Variants in DGCR2 observed in about 807,000 individuals in gnomAD.
DGCR2 encodes the protein integral membrane protein DGCR2/IDD.
A neutral mutation model predicts 51.6 loss-of-function variants in DGCR2; 24 were observed. The ratio of observed to expected loss-of-function variants is 0.47; its 90% CI spans 0.34 to 0.65. DGCR2 has a LOEUF of 0.65. Ranked by LOEUF, DGCR2 falls within the 30% of genes least tolerant of loss-of-function variation. The pLI is 0.01. For synonymous variants in DGCR2, 340 were observed against 315.4 expected, an observed-to-expected ratio of 1.08 and a Z score of -0.82; for missense variants, 765 against 772.1, an observed-to-expected ratio of 0.99 and a Z score of 0.11.
chr22:19,073,652 G>A (rs1409591730), intron 2 of DGCR2, among the ~76,000 whole-genome samples: 1 of 152,178 alleles, frequency 6.6e-6, no homozygotes, highest in African/African-American at 2.4e-5. Flanking sequence ...TAAAAATGGA[G>A]TAAGCTTAAC....
intron 9 of DGCR2, 58 bp downstream of exon 9, chr22:19,041,000 C>CA (rs2082424229): frequency 1.3e-5 from 19 of 1,452,512 alleles, no homozygotes; most frequent in Non-Finnish European, 1.7e-5. Context: ...GTGCTGGGCT[C>CA]AGCCCCACGT....
intron 1 of DGCR2, among the ~76,000 whole-genome samples, chr22:19,108,106 G>A (rs2083277259): frequency 1.3e-5 from 2 of 152,268 alleles, no homozygotes; most frequent in Admixed American, 1.3e-4. Flanking sequence ...GAACCATAAG[G>A]TGTCTGCCCC....
chr22:19,047,085 A>G (rs186483710), intron 7 of DGCR2: 53 of 154,866 alleles, frequency 3.4e-4, no homozygotes, highest in Admixed American at 1.5e-3. Context: ...AGTGCTTCTC[A>G]TGGCCCTAAA....
At chr22:19,119,627 T>G (rs1252402246) in intron 1 of DGCR2, among the ~76,000 whole-genome samples, 1 of 150,372 alleles carries the variant, frequency 6.7e-6, no homozygotes, top group Non-Finnish European at 1.5e-5. Context: ...TCCCAGCTAC[T>G]CGGGAGGCTG....
Position 19,038,875 on chromosome 22 carries a change from G to A in DGCR2, c.1643C>T (p.Thr548Ile), listed in dbSNP as rs369910467. 6.2e-7 allele frequency: 1 copy of A among 1,612,858 alleles called. No individual in the cohort carries two copies. The highest frequency in any genetic ancestry group is 1.3e-5 in the African/African-American group (1 of 74,942). Residue 548 changes from threonine (T) to isoleucine (I), a missense_variant, in exon 10 of 10, where the codon ACT becomes ATT. By Grantham distance (89) the Thr-to-Ile change is moderately conservative (BLOSUM62 -1). Transcript: ENST00000263196. Reference protein sequence around the residue: ...GGRHSRSSLNTVV With the variant: ...GGRHSRSSLNIVV ...TACAGGCCAGGCCGTCTACACCACA[G>A]TATTGAGGGAGCTGCGGCTGTGGCG...
chr22:19,071,481 TA>T (rs576018440), intron 2 of DGCR2, among the ~76,000 whole-genome samples: 225 of 144,372 alleles, frequency 1.6e-3, no homozygotes, highest in South Asian at 6.8e-3. Context: ...TATTGCTACC[TA>T]AAAAAAAAAA....
intron 6 of DGCR2, among the ~76,000 whole-genome samples, chr22:19,050,043 G>C (rs544945534): frequency 6.6e-6 from 1 of 151,232 alleles, no homozygotes; most frequent in Admixed American, 6.6e-5. Context: ...GAGAGAAAGA[G>C]GCAAAAAAAA....
chr22:19,108,014 C>T (rs1316082840), intron 1 of DGCR2, among the ~76,000 whole-genome samples: 1 of 152,178 alleles, frequency 6.6e-6, no homozygotes, highest in Admixed American at 6.5e-5. Flanking sequence ...TAAGACAACT[C>T]ATTTGCTCCT....
chr22:19,062,779 A>ATTCATTTTCTCTCTCCT, intron 5 of DGCR2, among the ~76,000 whole-genome samples: 1 of 127,354 alleles, frequency 7.9e-6, no homozygotes, highest in Non-Finnish European at 1.8e-5. Flanking sequence ...ATGCATGCTC[A>ATTCATTTTCTCTCTCCT]CTCTCTCTCT....
intron 2 of DGCR2, among the ~76,000 whole-genome samples, chr22:19,075,997 C>T (rs535506137): frequency 9.2e-5 from 14 of 151,890 alleles, no homozygotes; most frequent in African/African-American, 3.2e-4. Flanking sequence ...CTTGCTCTGT[C>T]GCCCAAGCTG....
intron 2 of DGCR2, among the ~76,000 whole-genome samples, chr22:19,086,294 G>A (rs887641141): frequency 2.0e-5 from 3 of 151,908 alleles, no homozygotes; most frequent in Admixed American, 6.6e-5. Flanking sequence ...TGACTAGCAC[G>A]GTGAAACCCT....
intron 1 of DGCR2, chr22:19,121,857 T>C (rs1001033794): frequency 4.2e-6 from 1 of 237,966 alleles, no homozygotes; most frequent in Non-Finnish European, 8.0e-6. Context: ...GGTGCGCCCG[T>C]GGCGTAGCTC....
intron 7 of DGCR2, chr22:19,046,895 C>G (rs1247522413): frequency 5.5e-6 from 1 of 183,194 alleles, no homozygotes; most frequent in Non-Finnish European, 1.2e-5. Context: ...TTGTACACAT[C>G]TGGGCATTCT....
Position 19,114,640 on chromosome 22 carries a change from T to G in DGCR2, c.79+7488A>C, listed in dbSNP as rs2083354591. 5.3e-5 allele frequency among the ~76,000 whole-genome samples: 8 copies of G among 152,346 alleles called. No homozygotes were observed. The South Asian group carries it at 1.7e-3, about 32-fold the overall frequency. On this transcript the variant is annotated intron_variant, in intron 1 of 9. Transcript: ENST00000263196. ...GCAGACCTAGTTTCAATGGAGCATCTGGCCCGGTCCTGTGGTCAGTCTCCT... is the reference window on the plus strand; with the variant it reads ...GCAGACCTAGTTTCAATGGAGCATCGGGCCCGGTCCTGTGGTCAGTCTCCT...
intron 5 of DGCR2, among the ~76,000 whole-genome samples, chr22:19,062,585 G>A (rs528405284): frequency 1.1e-4 from 17 of 152,228 alleles, no homozygotes; most frequent in Middle Eastern, 3.4e-3. Context: ...TGACCCTGGC[G>A]GCAGCTGGAG....
chr22:19,068,328 G>A (rs1275049745), intron 2 of DGCR2, 103 bp from the exon 3 acceptor site: 18 of 1,343,192 alleles, frequency 1.3e-5, no homozygotes, highest in Middle Eastern at 1.9e-4. Context: ...CCGGAGGGGG[G>A]GCCTGTAGCA....
Position 19,038,856 on chromosome 22 carries a change from C to T in DGCR2, c.*9G>A. 1 of 1,611,254 alleles carries T rather than the reference C, an allele frequency of 6.2e-7. No homozygotes were observed. The highest frequency in any genetic ancestry group is 8.5e-7 in the Non-Finnish European group (1 of 1,178,856). ...TGCTCCCAGACCGTTGGGGTACAGG[C>T]CAGGCCGTCTACACCACAGTATTGA... On this transcript the variant is annotated 3_prime_UTR_variant, in exon 10 of 10. Transcript: ENST00000263196.
At chr22:19,050,157 A>G (rs1411772656) in intron 6 of DGCR2, among the ~76,000 whole-genome samples, 1 of 152,242 alleles carries the variant, frequency 6.6e-6, no homozygotes, top group Admixed American at 6.5e-5. Context: ...GGATAAATGC[A>G]AAGGAGCCAC....
At chr22:19,118,110 T>C (rs955603866) in intron 1 of DGCR2, among the ~76,000 whole-genome samples, 1 of 152,058 alleles carries the variant, frequency 6.6e-6, no homozygotes, top group Admixed American at 6.6e-5. Context: ...GGCTCACACC[T>C]GCAATCCCGT....
Sources: allele counts gnomAD v4.1 joint callset (sites outside exome capture counted in the v4.1 genomes callset), GRCh38; gene constraint gnomAD v4.1.1; transcripts MANE v1.5; gene names NCBI Gene and HGNC (gene_info 2026-07-23, HGNC 2026-07-21).